The following GPC5 variants were observed in gnomAD, a reference collection of about 807,000 sequenced individuals.
GPC5 encodes glypican-5.
GPC5 carries 47 observed loss-of-function variants against 53.9 expected under a neutral mutation model. That is an observed-to-expected ratio of 0.87 (90% CI 0.69 to 1.11). The LOEUF (loss-of-function observed/expected upper bound fraction) is 1.11, where lower values mean the gene tolerates loss of function less well. GPC5 is among the 50% of genes most tolerant of loss of function. The pLI is 0.00. For missense variants in GPC5, 748 were observed against 713.1 expected (o/e 1.05, Z -0.56); for synonymous variants, 286 against 263.3 (o/e 1.09, Z -0.84).
At chr13:91,846,161 T>C (rs1469733939) in intron 5 of GPC5, among the ~76,000 whole-genome samples, 6 of 152,148 alleles carry the variant, frequency 3.9e-5, no homozygotes, top group Admixed American at 3.3e-4. Flanking sequence ...TAAGACACTT[T>C]ACATATCCCC....
intron 7 of GPC5, among the ~76,000 whole-genome samples, chr13:92,678,818 A>C (rs1490217229): frequency 6.6e-6 from 1 of 152,160 alleles, no homozygotes; most frequent in Non-Finnish European, 1.5e-5. Context: ...ATGTTATTGC[A>C]ATCACCTAGG....
rs534820318 is a variant in GPC5, at chr13:92,613,743, A to G, written c.1562-252539A>G. Reference sequence around the variant, plus strand: ...CATGGTGGTACATGCGTATAGAACCAGGTACTCAGAAGGCTGAGGCAGGAG... The same window carrying G: ...CATGGTGGTACATGCGTATAGAACCGGGTACTCAGAAGGCTGAGGCAGGAG... On this transcript the variant is annotated intron_variant, in intron 7 of 7. Transcript: ENST00000377067. Among the ~76,000 whole-genome samples the G allele has an allele frequency of 1.0e-3, 150 of 146,802 alleles. 1 individual carries two copies. The highest frequency in any genetic ancestry group is 3.4e-3 in the African/African-American group (136 of 39,926).
chr13:92,504,501 A>G (rs1454474310), intron 7 of GPC5, among the ~76,000 whole-genome samples: 1 of 152,088 alleles, frequency 6.6e-6, no homozygotes, highest in Non-Finnish European at 1.5e-5. Context: ...TAAAATGTAT[A>G]TAGAAAAGGA....
rs564021032 is a variant in GPC5, at chr13:92,150,974, C to T, written c.1561+5985C>T. On this transcript the variant is annotated intron_variant, in intron 7 of 7. Coordinates refer to ENST00000377067, the MANE Select transcript of GPC5 (RefSeq NM_004466.6). ...AAAGTCATATAGCTATCAACAAAAC[C>T]AGAAACAAACCCATTCTTATCTAGG... Among the ~76,000 whole-genome samples, 4 of 151,588 alleles carry T rather than the reference C, an allele frequency of 2.6e-5. No individual in the cohort carries two copies. The East Asian group carries it at 7.8e-4, about 29-fold the overall frequency.
At chr13:92,488,775 A>G (rs896924315) in intron 7 of GPC5, among the ~76,000 whole-genome samples, 1 of 152,190 alleles carries the variant, frequency 6.6e-6, no homozygotes, top group Admixed American at 6.6e-5. Flanking sequence ...ATAATGTTTG[A>G]AGCTTTGAAA....
chr13:92,317,485 T>G (rs764814154), intron 7 of GPC5, among the ~76,000 whole-genome samples: 2 of 152,014 alleles, frequency 1.3e-5, no homozygotes, highest in Non-Finnish European at 2.9e-5. Context: ...TTGTTTTTTG[T>G]TTTTTGTTTT....
chr13:92,458,063 C>T (rs914183566), intron 7 of GPC5, among the ~76,000 whole-genome samples: 9 of 152,102 alleles, frequency 5.9e-5, no homozygotes, highest in African/African-American at 2.2e-4. Flanking sequence ...TCTTTAGTAA[C>T]ATTACACTGA....
chr13:92,837,332 A>G (rs1878253230), intron 7 of GPC5, among the ~76,000 whole-genome samples: 1 of 152,180 alleles, frequency 6.6e-6, no homozygotes, highest in South Asian at 2.1e-4. Context: ...CTAGAAATCA[A>G]ATTAGCAAGC....
At chr13:92,646,627 A>T (rs1324453144) in intron 7 of GPC5, among the ~76,000 whole-genome samples, 1 of 152,076 alleles carries the variant, frequency 6.6e-6, no homozygotes, top group East Asian at 1.9e-4. Context: ...AATAATATTT[A>T]GTCTTTTATT....
intron 7 of GPC5, among the ~76,000 whole-genome samples, chr13:92,582,352 CA>C (rs1372583720): frequency 6.6e-6 from 1 of 151,846 alleles, no homozygotes; most frequent in Non-Finnish European, 1.5e-5. Context: ...ATCAATTGAC[CA>C]AAAATGAGTA....
At chr13:91,617,881 C>T (rs997426651) in intron 2 of GPC5, among the ~76,000 whole-genome samples, 1 of 152,110 alleles carries the variant, frequency 6.6e-6, no homozygotes, top group Admixed American at 6.6e-5. Flanking sequence ...AGTGAGAAAG[C>T]AGCCATAGAC....
chr13:92,554,316 A>T (rs1882420897), intron 7 of GPC5, among the ~76,000 whole-genome samples: 1 of 151,956 alleles, frequency 6.6e-6, no homozygotes, highest in Non-Finnish European at 1.5e-5. Flanking sequence ...ATTTTTAAAA[A>T]TAATGGTTCT....
intron 7 of GPC5, among the ~76,000 whole-genome samples, chr13:92,304,203 CT>C (rs574804430): frequency 9.0e-4 from 130 of 143,928 alleles, no homozygotes; most frequent in East Asian, 3.1e-3. Flanking sequence ...CATTTACTTT[CT>C]TTTTTTTTTT....
chr13:92,681,611 A>G (rs1887112884), intron 7 of GPC5, among the ~76,000 whole-genome samples: 1 of 152,154 alleles, frequency 6.6e-6, no homozygotes, highest in African/African-American at 2.4e-5. Flanking sequence ...GATAAATTCT[A>G]AACTCTTCAG....
chr13:92,765,969 G>A (rs958144084), intron 7 of GPC5, among the ~76,000 whole-genome samples: 1 of 151,980 alleles, frequency 6.6e-6, no homozygotes, highest in Non-Finnish European at 1.5e-5. Flanking sequence ...ACCTTTTTAA[G>A]GCAGATAGGC....
chr13:92,798,029 A>C (rs1876762931), intron 7 of GPC5, among the ~76,000 whole-genome samples: 1 of 151,726 alleles, frequency 6.6e-6, no homozygotes, highest in South Asian at 2.1e-4. Context: ...AGTAACTTTC[A>C]TTACTAATTC....
Position 92,193,467 on chromosome 13 carries a change from A to G in GPC5, c.1561+48478A>G, listed in dbSNP as rs9589449. ...TAACTAACAGGAAAGGAGAATTCCC[A>G]GAGAGTTTCCTATATTGGATAATAG... On this transcript the variant is annotated intron_variant, in intron 7 of 7. Coordinates refer to ENST00000377067, the MANE Select transcript of GPC5 (RefSeq NM_004466.6). 9.2e-3 allele frequency among the ~76,000 whole-genome samples: 1,403 copies of G among 152,266 alleles called. 21 individuals carry two copies. The highest frequency in any genetic ancestry group is 0.032 in the African/African-American group (1,327 of 41,552).
At chr13:91,634,070 T>C (rs1431623087) in intron 2 of GPC5, among the ~76,000 whole-genome samples, 1 of 152,106 alleles carries the variant, frequency 6.6e-6, no homozygotes, top group East Asian at 1.9e-4. Context: ...CAAGCTTGCG[T>C]AGGGAATGAG....
At chr13:92,695,872 C>T (rs1375499642) in intron 7 of GPC5, among the ~76,000 whole-genome samples, 2 of 151,980 alleles carry the variant, frequency 1.3e-5, no homozygotes, top group Admixed American at 6.6e-5. Context: ...CCATGACAGG[C>T]CCCGGTGTGT....
Sources: gnomAD v4.1 joint callset for allele counts (sites outside exome capture counted in the v4.1 genomes callset) on GRCh38, gnomAD v4.1.1 for gene constraint, MANE v1.5 for transcripts, NCBI Gene and HGNC (gene_info 2026-07-23, HGNC 2026-07-21) for gene names.